FUT9: variants seen among roughly 807,000 people sequenced by gnomAD.
The protein encoded by FUT9 is 4-galactosyl-N-acetylglucosaminide 3-alpha-L-fucosyltransferase 9.
A neutral mutation model predicts 29.7 loss-of-function variants in FUT9; 15 were observed. That is an observed-to-expected ratio of 0.51 (90% CI 0.34 to 0.78). The LOEUF (loss-of-function observed/expected upper bound fraction) is 0.78, where lower values mean the gene tolerates loss of function less well. FUT9 is among the 30% of genes least tolerant of loss of function. The pLI, the probability that FUT9 is intolerant of heterozygous loss-of-function variation, is 0.01. For missense variants in FUT9, 319 were observed against 425.4 expected (o/e 0.75, Z 2.20); for synonymous variants, 169 against 153.7 (o/e 1.10, Z -0.74).
intron 2 of FUT9, among the ~76,000 whole-genome samples, chr6:96,183,470 C>T (rs542493108): frequency 2.0e-5 from 3 of 152,036 alleles, no homozygotes; most frequent in East Asian, 1.9e-4. Context: ...CTGAGACTTC[C>T]AGTACTATGT....
chr6:96,124,864 A>G (rs1772104556), intron 2 of FUT9, among the ~76,000 whole-genome samples: 1 of 152,186 alleles, frequency 6.6e-6, no homozygotes, highest in Non-Finnish European at 1.5e-5. Flanking sequence ...AAAATGTGTT[A>G]GTGACATTCG....
chr6:96,055,550 G>C (rs1264375111), intron 1 of FUT9, among the ~76,000 whole-genome samples: 1 of 149,520 alleles, frequency 6.7e-6, no homozygotes, highest in East Asian at 2.0e-4. Context: ...TAACTTTATT[G>C]TTCAAGGGTA....
At chr6:96,148,899 A>C (rs1229185933) in intron 2 of FUT9, among the ~76,000 whole-genome samples, 1 of 152,188 alleles carries the variant, frequency 6.6e-6, no homozygotes, top group Non-Finnish European at 1.5e-5. Context: ...TCACATTTGC[A>C]ATCCCAGCAC....
chr6:96,119,776 C>T (rs1050835126), intron 2 of FUT9, among the ~76,000 whole-genome samples: 1 of 152,162 alleles, frequency 6.6e-6, no homozygotes, highest in Non-Finnish European at 1.5e-5. Flanking sequence ...TTATAGCATA[C>T]TCTTACTAAT....
intron 1 of FUT9, among the ~76,000 whole-genome samples, chr6:96,088,607 T>A (rs574350536): frequency 1.3e-5 from 2 of 151,920 alleles, no homozygotes; most frequent in African/African-American, 2.4e-5. Context: ...GTTTCTATTG[T>A]ATTATCATCA....
intron 2 of FUT9, among the ~76,000 whole-genome samples, chr6:96,116,787 A>G (rs957037676): frequency 1.3e-5 from 2 of 152,144 alleles, no homozygotes; most frequent in African/African-American, 4.8e-5. Flanking sequence ...AGTTAGAGAT[A>G]TATTGAGTTG....
intron 2 of FUT9, among the ~76,000 whole-genome samples, chr6:96,179,017 A>G (rs1773258509): frequency 6.6e-6 from 1 of 152,144 alleles, no homozygotes; most frequent in African/African-American, 2.4e-5. Context: ...TTTCGAAAGA[A>G]TCTGGGTCTT....
chr6:96,027,429 T>C (rs1770187173), intron 1 of FUT9, among the ~76,000 whole-genome samples: 1 of 151,610 alleles, frequency 6.6e-6, no homozygotes. Flanking sequence ...CTTTATTTCT[T>C]TGTCATAGTT....
intron 1 of FUT9, among the ~76,000 whole-genome samples, chr6:96,087,497 G>C (rs908016505): frequency 3.3e-5 from 5 of 151,344 alleles, no homozygotes; most frequent in African/African-American, 1.2e-4. Flanking sequence ...CTCCTGAGTA[G>C]CTAGGACTAC....
chr6:96,160,421 T>A (rs1458771244), intron 2 of FUT9, among the ~76,000 whole-genome samples: 4 of 152,186 alleles, frequency 2.6e-5, no homozygotes, highest in Admixed American at 2.6e-4. Flanking sequence ...TCTATTTGAA[T>A]AACAAAGACT....
intron 2 of FUT9, among the ~76,000 whole-genome samples, chr6:96,170,832 A>G (rs1472125656): frequency 2.0e-5 from 3 of 152,198 alleles, no homozygotes; most frequent in Non-Finnish European, 4.4e-5. Flanking sequence ...AAATTCAAAG[A>G]AAATTCCAGT....
At position 96,121,903 on chromosome 6, in the gene FUT9, T is replaced by C. The variant is rs540947139; in HGVS notation, c.-9+7776T>C. On this transcript the variant is annotated intron_variant, in intron 2 of 2. Transcript: ENST00000302103. ...ACCTAGTATATGCCTCTTGATTTTA[T>C]GAGAGCACAAGATCAAATCTTCATT... Among the ~76,000 whole-genome samples, 5 of 152,214 alleles carry C rather than the reference T, an allele frequency of 3.3e-5. No homozygotes were observed. In the South Asian group the frequency reaches 6.2e-4, roughly 19 times the overall value.
intron 2 of FUT9, among the ~76,000 whole-genome samples, chr6:96,190,096 GGCCT>G (rs1773477857): frequency 6.6e-6 from 1 of 152,112 alleles, no homozygotes; most frequent in Non-Finnish European, 1.5e-5. Flanking sequence ...TTGTAGGGCA[GGCCT>G]GGTGGTGACA....
intron 1 of FUT9, among the ~76,000 whole-genome samples, chr6:96,073,905 G>C (rs1178665039): frequency 4.6e-5 from 7 of 152,088 alleles, no homozygotes; most frequent in Non-Finnish European, 2.9e-5. Context: ...ATCCCCACAG[G>C]TAGTAATGGA....
chr6:96,078,551 G>C (rs1365165530), intron 1 of FUT9, among the ~76,000 whole-genome samples: 1 of 150,090 alleles, frequency 6.7e-6, no homozygotes, highest in Non-Finnish European at 1.5e-5. Context: ...CTCCCGAGTA[G>C]CTGGGACTAC....
intron 1 of FUT9, among the ~76,000 whole-genome samples, chr6:96,043,468 T>C (rs1166626014): frequency 6.6e-6 from 1 of 152,224 alleles, no homozygotes; most frequent in African/African-American, 2.4e-5. Context: ...GGTTGGTTGG[T>C]TGTGTTTGTT....
rs1773783897 is a variant in FUT9 at position 96,204,209 on chromosome 6, A to C, written c.1054A>C (p.Asn352His). 4 of 1,442,604 alleles carry C rather than the reference A, an allele frequency of 2.8e-6. No individual in the cohort carries two copies. The East Asian group carries it at 9.4e-5, about 34-fold the overall frequency. The allele number at this position is 1,442,604 out of a possible 1,614,324, so 89.4% of individuals were successfully genotyped here. The stretch of plus-strand genomic sequence containing the variant: ...GCATCAAGAATATAAGTCTGTTGGT[A>C]ATTTAGAGAAATGGTTTTGGAATTA... Reference protein sequence around the residue: ...KRHQEYKSVGNLEKWFWN With the variant: ...KRHQEYKSVGHLEKWFWN Residue 352 changes from asparagine to histidine, a missense_variant, in exon 3 of 3, where the codon AAT becomes CAT. By Grantham distance (68) the Asn-to-His change is moderately conservative. Transcript: ENST00000302103.
At chr6:96,172,673 A>G (rs1473594729) in intron 2 of FUT9, among the ~76,000 whole-genome samples, 3 of 152,100 alleles carry the variant, frequency 2.0e-5, no homozygotes, top group Non-Finnish European at 4.4e-5. Flanking sequence ...AACTGGACAA[A>G]CACTAAAAGT....
At chr6:96,098,723 C>T (rs1771541090) in intron 1 of FUT9, among the ~76,000 whole-genome samples, 1 of 152,134 alleles carries the variant, frequency 6.6e-6, no homozygotes, top group Admixed American at 6.6e-5. Context: ...TTAATCAATA[C>T]TGTTTGGTAG....
Sources: gnomAD v4.1 joint callset for allele counts (sites outside exome capture counted in the v4.1 genomes callset) on GRCh38, gnomAD v4.1.1 for gene constraint, MANE v1.5 for transcripts, NCBI Gene and HGNC (gene_info 2026-07-23, HGNC 2026-07-21) for gene names.